MYO1E: variants seen among roughly 807,000 people sequenced by gnomAD.
MYO1E encodes myosin IE, also known as unconventional myosin-Ie.
In MYO1E, 68 loss-of-function variants were observed where a neutral mutation model predicts 151.1. The observed-to-expected ratio is 0.45, with a 90% CI of 0.37 to 0.55. The LOEUF is 0.55. MYO1E is among the 20% of genes least tolerant of loss of function. The probability of loss-of-function intolerance (pLI) is 0.00; values close to 1 mark genes in which losing one functional copy is unlikely to be tolerated. For missense variants in MYO1E, 1,363 were observed against 1,389.3 expected (o/e 0.98, Z 0.30); for synonymous variants, 601 against 501.7 (o/e 1.20, Z -2.64).
intron 15 of MYO1E, among the ~76,000 whole-genome samples, chr15:59,204,911 C>G (rs1445009166): frequency 1.2e-4 from 19 of 152,280 alleles, no homozygotes; most frequent in African/African-American, 4.6e-4. Flanking sequence ...CAATCCAAAG[C>G]CAGTGGGCTT....
At chr15:59,205,345 A>T in intron 15 of MYO1E, 55 bp downstream of exon 15, 1 of 1,544,732 alleles carries the variant, frequency 6.5e-7, no homozygotes, top group Non-Finnish European at 8.9e-7. Context: ...TTGTTTTCAT[A>T]TTGAAAATTT....
At chr15:59,344,008 C>T (rs984646241) in intron 1 of MYO1E, among the ~76,000 whole-genome samples, 1 of 152,134 alleles carries the variant, frequency 6.6e-6, no homozygotes, top group East Asian at 1.9e-4. Flanking sequence ...GGATTGACCC[C>T]TGGTCAATTT....
intron 13 of MYO1E, 37 bp from the exon 14 acceptor site, chr15:59,208,885 C>T (rs1482591956): frequency 1.2e-6 from 2 of 1,612,596 alleles, no homozygotes. Flanking sequence ...TAGTCACTGA[C>T]CTCTCCAAAA....
intron 1 of MYO1E, among the ~76,000 whole-genome samples, chr15:59,299,762 C>A (rs1216718114): frequency 6.6e-6 from 1 of 152,168 alleles, no homozygotes; most frequent in Non-Finnish European, 1.5e-5. Context: ...AACCTGATGA[C>A]CCCATTTAAA....
chr15:59,372,454 C>G (rs1266044614), intron 1 of MYO1E, 44 bp downstream of exon 1: 5 of 1,536,652 alleles, frequency 3.3e-6, no homozygotes, highest in African/African-American at 1.4e-5. Context: ...TTTCCTGCCC[C>G]GTCCCCGGGT....
intron 1 of MYO1E, among the ~76,000 whole-genome samples, chr15:59,320,861 G>A (rs1361114661): frequency 1.3e-5 from 2 of 152,162 alleles, no homozygotes; most frequent in African/African-American, 4.8e-5. Context: ...AAGAGCTTCT[G>A]TACAGCAGAA....
At chr15:59,207,592 C>G in intron 14 of MYO1E, 18 of 1,614,076 alleles carry the variant, frequency 1.1e-5, no homozygotes, top group Non-Finnish European at 1.5e-5. Context: ...GGATACTGCT[C>G]GTTTTCGTTT....
chr15:59,194,754 A>C (rs552292715), intron 17 of MYO1E, among the ~76,000 whole-genome samples: 1 of 152,262 alleles, frequency 6.6e-6, no homozygotes, highest in African/African-American at 2.4e-5. Context: ...GCGGGCCACA[A>C]AATTCATACC....
At chr15:59,251,903 T>A (rs116299204) in intron 4 of MYO1E, among the ~76,000 whole-genome samples, 1,577 of 152,324 alleles carry the variant, frequency 0.01, 32 homozygotes, top group African/African-American at 0.036. Context: ...TATTGGATAT[T>A]TGGACAAAAA....
At chr15:59,345,366 C>G (rs1256998657) in intron 1 of MYO1E, among the ~76,000 whole-genome samples, 2 of 152,156 alleles carry the variant, frequency 1.3e-5, no homozygotes, top group African/African-American at 4.8e-5. Context: ...CCTCTCTGAG[C>G]CTCAGCTTTC....
chr15:59,338,620 T>C (rs1388494574), intron 1 of MYO1E, among the ~76,000 whole-genome samples: 1 of 152,144 alleles, frequency 6.6e-6, no homozygotes, highest in Non-Finnish European at 1.5e-5. Flanking sequence ...ACCACCCTGC[T>C]AAGCTGGGAA....
In MYO1E at chr15:59,158,193, G is replaced by A. The variant is rs2140309144; in HGVS notation, c.2878+94C>T. On this transcript the variant is annotated intron_variant, in intron 25 of 27. Transcript: ENST00000288235. ...TGGTCCATGCCTGGTTAATATGTGT[G>A]CATTGATTTGCTAATGGGTTTCTTC... The A allele has an allele frequency of 1.0e-5, 11 of 1,054,910 alleles. No homozygotes were observed. In the South Asian group the frequency reaches 1.1e-4, roughly 10 times the overall value. 65.3% of individuals were successfully genotyped at this position (1,054,910 alleles called of 1,614,324 possible). A position where few individuals can be genotyped will look rare whatever the true frequency, so the allele number is the denominator to read the frequency against.
chr15:59,270,310 G>A (rs758510685), intron 2 of MYO1E, among the ~76,000 whole-genome samples: 2 of 152,162 alleles, frequency 1.3e-5, no homozygotes. Context: ...CTAGCACTTT[G>A]GAAGGCCGAG....
chr15:59,199,984 G>T (rs2079791099), intron 16 of MYO1E, among the ~76,000 whole-genome samples: 1 of 152,178 alleles, frequency 6.6e-6, no homozygotes, highest in Non-Finnish European at 1.5e-5. Context: ...GGGAAAACAT[G>T]CTGTACTCTC....
chr15:59,372,392 TCTC>T, intron 1 of MYO1E, 103 bp downstream of exon 1: 2 of 1,394,624 alleles, frequency 1.4e-6, no homozygotes, highest in South Asian at 1.2e-5. Flanking sequence ...GCGTCCACCT[TCTC>T]CACCCCTGGC....
chr15:59,239,669 T>G (rs1362382079), intron 4 of MYO1E, among the ~76,000 whole-genome samples: 1 of 152,202 alleles, frequency 6.6e-6, no homozygotes, highest in East Asian at 1.9e-4. Context: ...AGTATACCAG[T>G]TCCAAAAATA....
chr15:59,188,156 G>C lies in MYO1E; in HGVS notation c.1866C>G (p.Gly622=), dbSNP rs772132227. Residue 622 remains glycine (G), a synonymous_variant, in exon 18 of 28, where the codon GGC becomes GGG. Transcript: ENST00000288235. The part of the protein sequence containing the change: ...LKENIRVRRA[G]YAYRRIFQKF... ...TTTGGAAGATGCGCCGATAGGCATA[G>C]CCAGCTCTTCTCACTCGAATGTTCT... 3.1e-6 allele frequency: 5 copies of C among 1,613,984 alleles called. No individual in the cohort carries two copies. Among genetic ancestry groups the C allele is most frequent in the South Asian group, 2.2e-5 (2 of 91,090 alleles).
chr15:59,235,377 A>G lies in MYO1E; in HGVS notation c.420+1208T>C, dbSNP rs2080056230. On this transcript the variant is annotated intron_variant, in intron 5 of 27. Transcript: ENST00000288235. ...GAGGGATATGTGATAACATACCCAA[A>G]CAAATACAAATGTGCACTCTCTTTT... Among the ~76,000 whole-genome samples, 4 of 152,228 alleles carry G rather than the reference A, an allele frequency of 2.6e-5. No individual in the cohort carries two copies. The South Asian group carries it at 8.3e-4, about 31-fold the overall frequency.
chr15:59,193,627 C>T (rs1387722274), intron 17 of MYO1E, among the ~76,000 whole-genome samples: 2 of 152,132 alleles, frequency 1.3e-5, no homozygotes, highest in African/African-American at 4.8e-5. Context: ...ACGACGGTCA[C>T]CTCGAACTAA....
Sources: allele counts gnomAD v4.1 joint callset (sites outside exome capture counted in the v4.1 genomes callset), GRCh38; gene constraint gnomAD v4.1.1; transcripts MANE v1.5; gene names NCBI Gene and HGNC (gene_info 2026-07-23, HGNC 2026-07-21).